The following PRPF6 variants were observed in gnomAD, a reference collection of about 807,000 sequenced individuals.
PRPF6 encodes the protein pre-mRNA processing factor 6.
A neutral mutation model predicts 118.3 loss-of-function variants in PRPF6; 42 were observed. That is an observed-to-expected ratio of 0.35 (90% CI 0.28 to 0.46). The LOEUF (loss-of-function observed/expected upper bound fraction) is 0.46. PRPF6 is among the 20% of genes least tolerant of loss of function. The pLI is 1.00. For synonymous variants in PRPF6, 481 were observed against 485.1 expected (o/e 0.99, Z 0.11); for missense variants, 662 against 1,255.7 (o/e 0.53, Z 7.15).
At chr20:64,005,360 A>G (rs1272116356) in intron 9 of PRPF6, among the ~76,000 whole-genome samples, 2 of 152,190 alleles carry the variant, frequency 1.3e-5, no homozygotes, top group African/African-American at 2.4e-5. Context: ...ATCTCCACCA[A>G]TGTACAAAGT....
rs1203677383 is a variant in PRPF6, at chr20:63,981,558, T to C, written c.71+242T>C. 3.9e-5 allele frequency among the ~76,000 whole-genome samples: 6 copies of C among 152,222 alleles called. No homozygotes were observed. The East Asian group carries it at 1.2e-3, about 29-fold the overall frequency. On this transcript the variant is annotated intron_variant, in intron 1 of 20. Coordinates refer to ENST00000266079, the MANE Select transcript of PRPF6 (RefSeq NM_012469.4). The stretch of plus-strand genomic sequence containing the variant: ...GTGTTTTGGTCTGTAAGATGGGTAA[T>C]GCTGTATACGGTCTGCAGTGAGGAG...
At chr20:64,010,613 C>T (rs1324239794) in intron 10 of PRPF6, among the ~76,000 whole-genome samples, 1 of 152,208 alleles carries the variant, frequency 6.6e-6, no homozygotes, top group African/African-American at 2.4e-5. Flanking sequence ...CATTTCCTCT[C>T]AGCAGCCCAG....
At chr20:63,995,654 C>T (rs1444443466) in intron 6 of PRPF6, among the ~76,000 whole-genome samples, 172 bp downstream of exon 6, 3 of 147,548 alleles carry the variant, frequency 2.0e-5, no homozygotes, top group Non-Finnish European at 4.5e-5. Flanking sequence ...TGAATAATTC[C>T]GCAGATTTTT....
rs1445717708 is a variant in PRPF6 at position 63,999,147 on chromosome 20, C to T, written c.866+8C>T. On this transcript the variant is annotated splice_region_variant and intron_variant, in intron 7 of 20. Coordinates refer to ENST00000266079, the MANE Select transcript of PRPF6 (RefSeq NM_012469.4). ...ACACGGAGGAGACATCAAGTGAGTG[C>T]TTTGCAGAATCGCTGGGCTGGGATG... 6.2e-7 allele frequency: 1 copy of T among 1,612,320 alleles called. No homozygotes were observed.
chr20:64,014,715 A>G (rs1293590394), intron 11 of PRPF6, among the ~76,000 whole-genome samples: 1 of 152,184 alleles, frequency 6.6e-6, no homozygotes, highest in Non-Finnish European at 1.5e-5. Flanking sequence ...CACCTAACCT[A>G]CTGAACTTTA....
Position 64,033,011 on chromosome 20 carries a change from C to T in PRPF6, c.*18C>T. 6.2e-7 allele frequency: 1 copy of T among 1,612,998 alleles called. No homozygotes were observed. The highest frequency in any genetic ancestry group is 1.7e-5 in the Admixed American group (1 of 60,032). ...CCTTCTGATTGAGCGGTTGCCATGG[C>T]CGGTCTCCGTGGGGCAGGGTTGGGC... On this transcript the variant is annotated 3_prime_UTR_variant, in exon 21 of 21. Transcript: ENST00000266079.
intron 9 of PRPF6, among the ~76,000 whole-genome samples, chr20:64,007,434 G>A (rs1365947709): frequency 5.6e-5 from 4 of 71,008 alleles, no homozygotes; most frequent in Non-Finnish European, 1.1e-4. Flanking sequence ...TTCCCTCCCC[G>A]CCTCCCCTCC....
Position 63,998,959 on chromosome 20 carries a change from T to C in PRPF6, c.772-86T>C, listed in dbSNP as rs2059153666. 1.0e-5 allele frequency: 9 copies of C among 860,168 alleles called. No individual in the cohort carries two copies. In the South Asian group the frequency reaches 1.2e-4, roughly 12 times the overall value. 53.3% of individuals were successfully genotyped at this position (860,168 alleles called of 1,614,324 possible). A position where few individuals can be genotyped will look rare whatever the true frequency, so the allele number is the denominator to read the frequency against. ...CTCCTTCTGACTGCTCTCTCAGGGT[T>C]GTGGGAGGGGCACCAGGGACCCTCT... On this transcript the variant is annotated intron_variant, in intron 6 of 20. Transcript: ENST00000266079.
intron 20 of PRPF6, 96 bp downstream of exon 20, chr20:64,032,140 C>G: frequency 6.3e-7 from 1 of 1,579,236 alleles, no homozygotes; most frequent in Non-Finnish European, 8.6e-7. Flanking sequence ...CCACGGCCAG[C>G]GTGACTCTGC....
chr20:64,003,457 T>C (rs2059176600), intron 9 of PRPF6, among the ~76,000 whole-genome samples: 1 of 152,240 alleles, frequency 6.6e-6, no homozygotes, highest in South Asian at 2.1e-4. Flanking sequence ...TCTACGTCTG[T>C]TAGAAGACAG....
In PRPF6 at chr20:64,027,008, G is replaced by C. The variant is rs140418700; in HGVS notation, c.2055G>C (p.Glu685Asp). Residue 685 changes from glutamate to aspartate, a missense_variant, in exon 16 of 21, where the codon GAG (glutamate) becomes GAC (aspartate). Physicochemically the swap from Glu to Asp is conservative, Grantham distance 45. This residue lies in a region of PRPF6 where 244 missense variants were observed against 383.7 expected (regional missense o/e 0.64). Coordinates refer to ENST00000266079, the MANE Select transcript of PRPF6 (RefSeq NM_012469.4). The surrounding 1 kb of genome is among the most constrained non-coding windows in gnomAD (Gnocchi z 6.5). ...ARVFMKSVKL[E>D]WVQDNIRAAQ... ...TGTTCATGAAGTCTGTGAAGCTGGAGTGGGTGCAAGACAACATCAGGGCAG... is the reference window on the plus strand; with the variant it reads ...TGTTCATGAAGTCTGTGAAGCTGGACTGGGTGCAAGACAACATCAGGGCAG... 1 of 1,614,000 alleles carries C rather than the reference G, an allele frequency of 6.2e-7. No individual in the cohort carries two copies. Among genetic ancestry groups the C allele is most frequent in the Non-Finnish European group, 8.5e-7 (1 of 1,180,030 alleles).
intron 2 of PRPF6, 83 bp downstream of exon 2, chr20:63,983,298 T>G (rs2059079262): frequency 1.3e-6 from 2 of 1,556,410 alleles, no homozygotes; most frequent in Admixed American, 3.3e-5. Context: ...GTGTCTGTAA[T>G]GAATGGCTTG....
At position 64,027,750 on chromosome 20, in the gene PRPF6, G is replaced by C. The variant is rs202208257; in HGVS notation, c.2339+14G>C. 18 of 1,613,494 alleles carry C rather than the reference G, an allele frequency of 1.1e-5. No individual in the cohort carries two copies. In the East Asian group the frequency reaches 2.7e-4, roughly 24 times the overall value. The stretch of plus-strand genomic sequence containing the variant: ...CCCTGGGCTGTGGTGAGTCCTGGAG[G>C]GGGCAGCCTGGCCTCTGGGCACAGC... On this transcript the variant is annotated intron_variant, in intron 17 of 20. Coordinates refer to ENST00000266079, the MANE Select transcript of PRPF6 (RefSeq NM_012469.4). This position sits in a 1 kb window ranked among gnomAD's most constrained non-coding sequence, Gnocchi z 6.5.
rs868430388 is a variant in PRPF6, at chr20:64,002,016, T to A, written c.1186+777T>A. ...TCATTTTTTGTTTTTTTTTTCTGGT[T>A]TTTTTTTTTTTTTTTTTTTTGAGAT... On this transcript the variant is annotated intron_variant, in intron 9 of 20. Transcript: ENST00000266079. 8.5e-4 allele frequency among the ~76,000 whole-genome samples: 95 copies of A among 111,216 alleles called. 1 individual carries two copies. Among genetic ancestry groups the A allele is most frequent in the African/African-American group, 3.4e-3 (91 of 26,670 alleles). 73.0% of individuals were successfully genotyped at this position (111,216 alleles called of 152,430 possible). A position where few individuals can be genotyped will look rare whatever the true frequency, so the allele number is the denominator to read the frequency against.
At chr20:63,994,074 A>G (rs2123002959) in intron 4 of PRPF6, among the ~76,000 whole-genome samples, 1 of 151,352 alleles carries the variant, frequency 6.6e-6, no homozygotes. Flanking sequence ...GATTTTCTAA[A>G]CTGTGTCCCC....
rs367582115 is a variant in PRPF6 at position 64,016,764 on chromosome 20, C to T, written c.1566C>T (p.Cys522=). 38 of 1,613,968 alleles carry T rather than the reference C, an allele frequency of 2.4e-5. No individual in the cohort carries two copies. In the African/African-American group the frequency reaches 4.4e-4, roughly 19 times the overall value. The part of the protein sequence containing the change: ...ECDRAGSVAT[C]QAVMRAVIGI... ...ACAGGGCTGGGAGTGTGGCCACCTG[C>T]CAGGCCGTCATGCGTGCCGTGATTG... The change falls in exon 12 of 21, where the codon TGC becomes TGT. Residue 522 remains cysteine, a synonymous_variant. Coordinates refer to ENST00000266079, the MANE Select transcript of PRPF6 (RefSeq NM_012469.4).
intron 12 of PRPF6, among the ~76,000 whole-genome samples, chr20:64,017,235 G>T (rs897404182): frequency 6.6e-6 from 1 of 151,166 alleles, no homozygotes; most frequent in Admixed American, 6.6e-5. Context: ...GAGCCACCGC[G>T]CCCGGCCTCC....
intron 12 of PRPF6, among the ~76,000 whole-genome samples, chr20:64,018,292 T>C (rs1326903061): frequency 1.3e-5 from 2 of 152,162 alleles, no homozygotes; most frequent in African/African-American, 2.4e-5. Context: ...CTCAGGCTAG[T>C]CTGGAAGAGA....
chr20:64,033,020 G>T lies in PRPF6; in HGVS notation c.*27G>T, dbSNP rs373166087. On this transcript the variant is annotated 3_prime_UTR_variant, in exon 21 of 21. Coordinates refer to ENST00000266079, the MANE Select transcript of PRPF6 (RefSeq NM_012469.4). ...TGAGCGGTTGCCATGGCCGGTCTCC[G>T]TGGGGCAGGGTTGGGCCGCATGTGG... 2.5e-6 allele frequency: 4 copies of T among 1,612,610 alleles called. No homozygotes were observed. Among genetic ancestry groups the T allele is most frequent in the East Asian group, 2.2e-5 (1 of 44,886 alleles).
Sources: allele counts gnomAD v4.1 joint callset (sites outside exome capture counted in the v4.1 genomes callset), GRCh38; gene constraint gnomAD v4.1.1; regional missense constraint gnomAD v4.1.1; non-coding constraint Gnocchi (gnomAD v3.1); transcripts MANE v1.5; gene names NCBI Gene and HGNC (gene_info 2026-07-23, HGNC 2026-07-21).